The following TGM1 variants were observed in gnomAD, a reference collection of about 807,000 sequenced individuals.
TGM1 encodes protein-glutamine gamma-glutamyltransferase K.
Under a neutral mutation model 88.7 loss-of-function variants are expected in TGM1, and 63 were observed. That is an observed-to-expected ratio of 0.71 (90% CI 0.58 to 0.88). The LOEUF (loss-of-function observed/expected upper bound fraction) is 0.88. Ranked by LOEUF, TGM1 falls within the 40% of genes least tolerant of loss-of-function variation. The probability of loss-of-function intolerance (pLI) is 0.00; values close to 1 mark genes in which losing one functional copy is unlikely to be tolerated. For synonymous variants in TGM1, 415 were observed against 431.1 expected (o/e 0.96, Z 0.46); for missense variants, 996 against 1,118.0 (o/e 0.89, Z 1.56).
rs199678720 is a variant in TGM1, at chr14:24,260,628, C to T, written c.579G>A (p.Trp193Ter). The change falls in exon 4 of 15, where the codon TGG (tryptophan) becomes TGA (stop). Residue 193 changes from tryptophan (W) to a stop codon, truncating the protein, a stop_gained. Coordinates refer to ENST00000206765, the MANE Select transcript of TGM1 (RefSeq NM_000359.3). LOFTEE classifies it high-confidence loss of function. Reference protein sequence around the residue: ...IPVGKGGSGGWKAQVVKASGQ... With the variant: ...IPVGKGGSGG The stretch of plus-strand genomic sequence containing the variant: ...CACTGGCCTTGACCACCTGGGCTTT[C>T]CAGCCTCCACTGCCCCCCTTGCCCA... 5 of 1,614,042 alleles carry T rather than the reference C, an allele frequency of 3.1e-6. No individual in the cohort carries two copies. Among genetic ancestry groups the T allele is most frequent in the Non-Finnish European group, 4.2e-6 (5 of 1,180,038 alleles).
At chr14:24,262,623 G>A (rs1286960034) in intron 1 of TGM1, among the ~76,000 whole-genome samples, 1 of 152,100 alleles carries the variant, frequency 6.6e-6, no homozygotes, top group Non-Finnish European at 1.5e-5. Context: ...CCCACTCAAC[G>A]ATCCATCCCA....
chr14:24,257,121 G>A (rs1273619948), intron 9 of TGM1, among the ~76,000 whole-genome samples: 5 of 152,144 alleles, frequency 3.3e-5, no homozygotes, highest in Non-Finnish European at 2.9e-5. Flanking sequence ...ATCTGCCAGC[G>A]TCTGGGACAG....
Position 24,256,055 on chromosome 14 carries a change from G to A in TGM1, c.1425C>T (p.Cys475=), listed in dbSNP as rs369128286. The change falls in exon 10 of 15, where the codon TGC becomes TGT. Residue 475 remains cysteine, a synonymous_variant. Coordinates refer to ENST00000206765, the MANE Select transcript of TGM1 (RefSeq NM_000359.3). ...GGCCATTCTTGATGGACTCCACAGA[G>A]CAGGGGCCGCAGCAGAAGATGCCTA... The part of the protein sequence containing the change: ...TSSGIFCCGP[C]SVESIKNGLV... 1.7e-5 allele frequency: 27 copies of A among 1,568,512 alleles called. No homozygotes were observed. Among genetic ancestry groups the A allele is most frequent in the Non-Finnish European group, 2.6e-6 (3 of 1,155,604 alleles).
intron 14 of TGM1, among the ~76,000 whole-genome samples, chr14:24,250,069 G>A (rs1393830532): frequency 1.9e-4 from 29 of 151,866 alleles, no homozygotes; most frequent in Admixed American, 1.9e-3. Context: ...TTAGAAGGAT[G>A]TTATCTTTGA....
intron 9 of TGM1, among the ~76,000 whole-genome samples, chr14:24,257,833 A>G (rs1162981439): frequency 6.6e-6 from 1 of 152,236 alleles, no homozygotes; most frequent in Non-Finnish European, 1.5e-5. Context: ...ACCTCCTGAG[A>G]GAGAATAGGG....
At chr14:24,254,854 G>T in intron 12 of TGM1, 30 bp from the exon 13 acceptor site, 1 of 1,613,324 alleles carries the variant, frequency 6.2e-7, no homozygotes, top group Non-Finnish European at 8.5e-7. Context: ...CGTCACTGAG[G>T]CCTGCTTCCC....
intron 9 of TGM1, 138 bp downstream of exon 9, chr14:24,258,147 G>A: frequency 1.6e-6 from 1 of 643,112 alleles, no homozygotes; most frequent in Non-Finnish European, 2.8e-6. Context: ...TGGTGGTTCA[G>A]CTGACAAACC....
At position 24,258,632 on chromosome 14, in the gene TGM1, A is replaced by C. The variant is rs991194429; in HGVS notation, c.1201T>G (p.Phe401Val). ...GTGTCTGTGTCGTGGGCGGAGTTGA[A>C]GTTGGTGACAGTACGGGTGGCCAGA... ...LGLATRTVTN[F>V]NSAHDTDTSL... The change falls in exon 8 of 15, where the codon TTC (phenylalanine) becomes GTC (valine). Residue 401 changes from phenylalanine (F) to valine (V), a missense_variant. Physicochemically the swap from Phe to Val is conservative, Grantham distance 50. Transcript: ENST00000206765. The C allele has an allele frequency of 1.9e-6, 3 of 1,614,200 alleles. No individual in the cohort carries two copies. Among genetic ancestry groups the C allele is most frequent in the Non-Finnish European group, 2.5e-6 (3 of 1,180,034 alleles).
rs2139019336 is a variant in TGM1 at position 24,255,021 on chromosome 14, AC to A, written c.1877del (p.Gly626ValfsTer21). On this transcript the variant is annotated frameshift_variant, in exon 12 of 15. Coordinates refer to ENST00000206765, the MANE Select transcript of TGM1 (RefSeq NM_000359.3). LOFTEE classifies it high-confidence loss of function. This position sits in a 1 kb window ranked among gnomAD's most constrained non-coding sequence, Gnocchi z 4.0. ...CCTTCTTGGTCTCCTTGAAGATGGTACCACTGACACCAGTATAGAAAGTGAC... is the reference window on the plus strand; with the variant it reads ...CCTTCTTGGTCTCCTTGAAGATGGTACACTGACACCAGTATAGAAAGTGAC... ...LSVTFYTGVS[G>X]TIFKETKKEV... The A allele has an allele frequency of 6.2e-7, 1 of 1,614,052 alleles. No individual in the cohort carries two copies. Among genetic ancestry groups the A allele is most frequent in the Non-Finnish European group, 8.5e-7 (1 of 1,180,036 alleles).
rs1241294965 is a variant in TGM1, at chr14:24,256,021, T to C, written c.1459A>G (p.Met487Val). The change falls in exon 10 of 15, where the codon ATG becomes GTG. Residue 487 changes from methionine to valine, a missense_variant. By Grantham distance (21) the Met-to-Val change is conservative (BLOSUM62 1). Transcript: ENST00000206765. ...VESIKNGLVYMKYDTPFIFAE... is the reference protein window; with the variant it reads ...VESIKNGLVYVKYDTPFIFAE... Reference sequence around the variant, plus strand: ...AAAATGAAAGGCGTGTCGTACTTCATGTAGACCAGGCCATTCTTGATGGAC... The same window carrying C: ...AAAATGAAAGGCGTGTCGTACTTCACGTAGACCAGGCCATTCTTGATGGAC... 3.8e-6 allele frequency: 6 copies of C among 1,569,982 alleles called. No homozygotes were observed. The highest frequency in any genetic ancestry group is 1.4e-5 in the African/African-American group (1 of 73,884).
Position 24,259,902 on chromosome 14 carries a change from C to A in TGM1, c.876+38G>T. ...CCCAGCCCCCACACCCACCCCAGCT[C>A]CTCTGGGTGTATGTGACCCTGGCCA... On this transcript the variant is annotated intron_variant, in intron 5 of 14. Coordinates refer to ENST00000206765, the MANE Select transcript of TGM1 (RefSeq NM_000359.3). This position sits in a 1 kb window ranked among gnomAD's most constrained non-coding sequence, Gnocchi z 5.7. The A allele has an allele frequency of 2.5e-6, 4 of 1,605,952 alleles. No individual in the cohort carries two copies. The highest frequency in any genetic ancestry group is 3.4e-6 in the Non-Finnish European group (4 of 1,172,658).
chr14:24,260,566 T>C lies in TGM1; in HGVS notation c.641A>G (p.Asn214Ser), dbSNP rs147994543. The C allele has an allele frequency of 6.3e-5, 101 of 1,614,108 alleles. No individual in the cohort carries two copies. Among genetic ancestry groups the C allele is most frequent in the Non-Finnish European group, 8.2e-5 (97 of 1,180,042 alleles). Residue 214 changes from asparagine (N) to serine (S), a missense_variant, in exon 4 of 15, where the codon AAC (asparagine) becomes AGC (serine). Asn to Ser is a conservative substitution (Grantham distance 46). Coordinates refer to ENST00000206765, the MANE Select transcript of TGM1 (RefSeq NM_000359.3). ...NLNLRVHTSP[N>S]AIIGKFQFTV... is the part of the protein sequence containing the mutation. Reference sequence around the variant, plus strand: ...GAACTGAAACTTGCCGATGATGGCGTTGGGGGAAGTGTGGACCCGCAGGTT... The same window carrying C: ...GAACTGAAACTTGCCGATGATGGCGCTGGGGGAAGTGTGGACCCGCAGGTT...
intron 4 of TGM1, 45 bp downstream of exon 4, chr14:24,260,405 T>C (rs2139025872): frequency 6.2e-7 from 1 of 1,613,188 alleles, no homozygotes. Context: ...CCCTTCCCTG[T>C]CTTTCCCTCC....
Position 24,259,357 on chromosome 14 carries a change from C to G in TGM1, c.985-108G>C. ...CCGATCCTGCAACCACCCCTTACCC[C>G]TAAATGCCTCAGGATCCAGACACCA... On this transcript the variant is annotated intron_variant, in intron 6 of 14. Transcript: ENST00000206765. This position sits in a 1 kb window ranked among gnomAD's most constrained non-coding sequence, Gnocchi z 5.7. The G allele has an allele frequency of 2.8e-6, 3 of 1,088,406 alleles. No individual in the cohort carries two copies. Among genetic ancestry groups the G allele is most frequent in the South Asian group, 2.7e-5 (2 of 74,388 alleles). The allele number at this position is 1,088,406 out of a possible 1,614,324, so 67.4% of individuals were successfully genotyped here.
chr14:24,254,824 G>A lies in TGM1; in HGVS notation c.1928C>T (p.Ser643Leu), dbSNP rs756075851. ...KKEVELAPGASDRVTMPVAYK... is the reference protein window; with the variant it reads ...KKEVELAPGALDRVTMPVAYK... ...GGCCACTGGCATGGTCACACGGTCC[G>A]CTGTGGAGAAGAGGCATGGCGTCAC... The change falls in exon 13 of 15, where the codon TCG (serine) becomes TTG (leucine). Residue 643 changes from serine to leucine, a missense_variant and splice_region_variant. Physicochemically the swap from Ser to Leu is moderately radical, Grantham distance 145. Transcript: ENST00000206765. 3.2e-5 allele frequency: 52 copies of A among 1,613,584 alleles called. No homozygotes were observed. Among genetic ancestry groups the A allele is most frequent in the South Asian group, 5.5e-5 (5 of 91,088 alleles).
intron 9 of TGM1, among the ~76,000 whole-genome samples, chr14:24,257,449 T>C (rs1252582387): frequency 6.6e-6 from 1 of 152,252 alleles, no homozygotes; most frequent in Admixed American, 6.5e-5. Context: ...AGTAATTATA[T>C]ATTAAGGCAG....
Position 24,254,965 on chromosome 14 carries a change from C to T in TGM1, c.1927+7G>A. 6.2e-7 allele frequency: 1 copy of T among 1,613,610 alleles called. No homozygotes were observed. The highest frequency in any genetic ancestry group is 8.5e-7 in the Non-Finnish European group (1 of 1,179,996). On this transcript the variant is annotated splice_region_variant and intron_variant, in intron 12 of 14. Coordinates refer to ENST00000206765, the MANE Select transcript of TGM1 (RefSeq NM_000359.3). Reference sequence around the variant, plus strand: ...CCAGGGGGCAGGGCTGGGTAAGGAGCACTTACAGGCCCCTGGTGCCAGCTC... The same window carrying T: ...CCAGGGGGCAGGGCTGGGTAAGGAGTACTTACAGGCCCCTGGTGCCAGCTC...
Position 24,260,476 on chromosome 14 carries a change from T to A in TGM1, c.731A>T (p.Tyr244Phe), listed in dbSNP as rs2040798970. ...TGGGCACCAGGGGTTGAAGAGGATG[T>A]AGATCTCATTGCGGGGGTCAAAGGG... ...QLPFDPRNEI[Y>F]ILFNPWCPED... Residue 244 changes from tyrosine (Y) to phenylalanine (F), a missense_variant, in exon 4 of 15, where the codon TAC becomes TTC. By Grantham distance (22) the Tyr-to-Phe change is conservative (BLOSUM62 3). Coordinates refer to ENST00000206765, the MANE Select transcript of TGM1 (RefSeq NM_000359.3). The A allele has an allele frequency of 6.2e-7, 1 of 1,614,106 alleles. No individual in the cohort carries two copies. The highest frequency in any genetic ancestry group is 8.5e-7 in the Non-Finnish European group (1 of 1,180,044).
At chr14:24,252,756 C>T (rs1437762990) in intron 14 of TGM1, among the ~76,000 whole-genome samples, 1 of 152,188 alleles carries the variant, frequency 6.6e-6, no homozygotes, top group Non-Finnish European at 1.5e-5. Context: ...AGGGGGTCCT[C>T]TGCTTCCTCC....
Sources: gnomAD v4.1 joint callset for allele counts (sites outside exome capture counted in the v4.1 genomes callset) on GRCh38, gnomAD v4.1.1 for gene constraint, Gnocchi (gnomAD v3.1) non-coding constraint, MANE v1.5 for transcripts, NCBI Gene and HGNC (gene_info 2026-07-23, HGNC 2026-07-21) for gene names.